Variants in CCDC39 observed in about 807,000 individuals in gnomAD.
CCDC39 encodes the protein coiled-coil domain 39 molecular ruler complex subunit, also known as coiled-coil domain-containing protein 39.
Under a neutral mutation model 121.0 loss-of-function variants are expected in CCDC39, and 113 were observed. That is an observed-to-expected ratio of 0.93 (90% CI 0.80 to 1.09). CCDC39 has a LOEUF of 1.09. Ranked by LOEUF, CCDC39 falls within the 50% of genes least tolerant of loss-of-function variation. CCDC39 has a pLI of 0.00. For synonymous variants in CCDC39, 349 were observed against 352.2 expected, an observed-to-expected ratio of 0.99 and a Z score of 0.10; for missense variants, 1,063 against 1,074.7, an observed-to-expected ratio of 0.99 and a Z score of 0.15.
At chr3:180,624,226 TA>T (rs761104407) in intron 14 of CCDC39, among the ~76,000 whole-genome samples, 208 of 152,278 alleles carry the variant, frequency 1.4e-3, no homozygotes, top group Non-Finnish European at 2.5e-3. Context: ...TTATCTAATA[TA>T]AGTAAAGCTA....
At chr3:180,676,873 T>A (rs1185431810) in intron 1 of CCDC39, among the ~76,000 whole-genome samples, 2 of 151,884 alleles carry the variant, frequency 1.3e-5, no homozygotes, top group Non-Finnish European at 2.9e-5. Context: ...CTATCATTCT[T>A]AGCAAACTAT....
chr3:180,624,134 T>C (rs1196473981), intron 14 of CCDC39, among the ~76,000 whole-genome samples: 1 of 152,172 alleles, frequency 6.6e-6, no homozygotes, highest in African/African-American at 2.4e-5. Context: ...AGGATTGTTA[T>C]ATCCTCTTGC....
In CCDC39 at chr3:180,659,745, G is replaced by A. The variant is rs758393705; in HGVS notation, c.541C>T (p.Leu181=). 5 of 1,611,488 alleles carry A rather than the reference G, an allele frequency of 3.1e-6. No homozygotes were observed. Among genetic ancestry groups the A allele is most frequent in the South Asian group, 2.2e-5 (2 of 90,880 alleles). ...CTTTTCTGATTACATTCCAAAGTTA[G>A]TCTTTCTAATTGCAGAGTCAGTGCC... ...IRALTLQLER[L]TLECNQKRKI... is the part of the protein sequence containing the mutation. The change falls in exon 5 of 20, where the codon CTA becomes TTA. Residue 181 remains leucine (L), a synonymous_variant. Transcript: ENST00000476379.
chr3:180,649,633 G>T (rs562475313), intron 9 of CCDC39, among the ~76,000 whole-genome samples: 1 of 152,162 alleles, frequency 6.6e-6, no homozygotes, highest in Non-Finnish European at 1.5e-5. Flanking sequence ...CTCCAAAAAA[G>T]ATAGGGTTGG....
At chr3:180,631,898 T>C (rs1717706515) in intron 13 of CCDC39, among the ~76,000 whole-genome samples, 1 of 152,216 alleles carries the variant, frequency 6.6e-6, no homozygotes, top group South Asian at 2.1e-4. Context: ...CACAGTTTCA[T>C]TGTGTCTTTT....
At chr3:180,669,836 T>C (rs1163265566) in intron 1 of CCDC39, among the ~76,000 whole-genome samples, 1 of 152,180 alleles carries the variant, frequency 6.6e-6, no homozygotes, top group African/African-American at 2.4e-5. Context: ...TTTAAAAATG[T>C]ACACGTCACA....
At chr3:180,646,442 C>T (rs952035255) in intron 11 of CCDC39, among the ~76,000 whole-genome samples, 3 of 152,090 alleles carry the variant, frequency 2.0e-5, no homozygotes, top group Non-Finnish European at 4.4e-5. Context: ...CTCACTATCT[C>T]ACTTTTACTC....
intron 7 of CCDC39, among the ~76,000 whole-genome samples, chr3:180,654,333 A>G (rs1423265205): frequency 6.6e-6 from 1 of 151,758 alleles, no homozygotes; most frequent in East Asian, 1.9e-4. Flanking sequence ...TGACACTGTA[A>G]AACTTCTCAA....
chr3:180,677,431 T>C (rs990611603), intron 1 of CCDC39, among the ~76,000 whole-genome samples: 1 of 151,304 alleles, frequency 6.6e-6, no homozygotes, highest in African/African-American at 2.4e-5. Flanking sequence ...TTGATAATAT[T>C]AAAAATGATA....
chr3:180,615,181 C>A, intron 19 of CCDC39, 104 bp from the exon 20 acceptor site: 4 of 757,934 alleles, frequency 5.3e-6, no homozygotes, highest in Non-Finnish European at 8.2e-6. Context: ...GTAAAGACAT[C>A]AAAAAAGTAC....
Position 180,659,714 on chromosome 3 carries a change from ATC to A in CCDC39, c.570_571del (p.Lys190AsnfsTer3), listed in dbSNP as rs1560092160. On this transcript the variant is annotated frameshift_variant, in exon 5 of 20. Transcript: ENST00000476379. LOFTEE classifies it high-confidence loss of function. ...AGTCTCTGTAAGTTCGTTGTCAAGT[ATC>A]TTTCTTTTCTGATTACATTCCAAAG... 3.1e-6 allele frequency: 5 copies of A among 1,612,588 alleles called. No individual in the cohort carries two copies. The highest frequency in any genetic ancestry group is 4.2e-6 in the Non-Finnish European group (5 of 1,179,386).
chr3:180,663,669 C>CA lies in CCDC39; in HGVS notation c.210+197dup, dbSNP rs71182539. The stretch of plus-strand genomic sequence containing the variant: ...TAGGAAACAGAGCGAGACTTCATCT[C>CA]AAAAAAAAAAAAAAAATTGGACCAG... On this transcript the variant is annotated intron_variant, in intron 2 of 19. Transcript: ENST00000476379. 0.095 allele frequency among the ~76,000 whole-genome samples: 11,242 copies of CA among 117,920 alleles called. 459 individuals carry two copies. The highest frequency in any genetic ancestry group is 0.11 in the African/African-American group (3,586 of 33,194). 77.4% of individuals were successfully genotyped at this position (117,920 alleles called of 152,430 possible).
chr3:180,654,755 G>A lies in CCDC39; in HGVS notation c.930+7C>T, dbSNP rs1011470945. On this transcript the variant is annotated splice_region_variant and intron_variant, in intron 7 of 19. Transcript: ENST00000476379. ...CATACAAGCCAGTCTTTTTTGAGTT[G>A]ACATACCTCACCCTTCAGCTGAATT... 2 of 1,590,146 alleles carry A rather than the reference G, an allele frequency of 1.3e-6. No homozygotes were observed. The highest frequency in any genetic ancestry group is 1.7e-6 in the Non-Finnish European group (2 of 1,167,006).
intron 13 of CCDC39, among the ~76,000 whole-genome samples, chr3:180,633,464 T>C (rs572523891): frequency 6.6e-6 from 1 of 150,754 alleles, no homozygotes; most frequent in South Asian, 2.1e-4. Context: ...AATGAAAGAA[T>C]AACAGTGCTT....
rs1234669394 is a variant in CCDC39 at position 180,628,533 on chromosome 3, C to T, written c.1998+2936G>A. Among the ~76,000 whole-genome samples the T allele has an allele frequency of 2.6e-5, 4 of 152,244 alleles. No individual in the cohort carries two copies. In the East Asian group the frequency reaches 7.7e-4, roughly 29 times the overall value. Reference sequence around the variant, plus strand: ...GAGACATATATTTCTGTTGTTTAAACCATCTAGTTTATTGTATTTTGTTAC... The same window carrying T: ...GAGACATATATTTCTGTTGTTTAAATCATCTAGTTTATTGTATTTTGTTAC... On this transcript the variant is annotated intron_variant, in intron 14 of 19. Transcript: ENST00000476379.
intron 1 of CCDC39, among the ~76,000 whole-genome samples, chr3:180,664,631 A>T (rs772723148): frequency 3.3e-5 from 5 of 152,158 alleles, no homozygotes; most frequent in Non-Finnish European, 5.9e-5. Flanking sequence ...TGCATTTTTC[A>T]TACAGCAATA....
chr3:180,644,363 AT>A, intron 11 of CCDC39, 106 bp from the exon 12 acceptor site: 1 of 624,834 alleles, frequency 1.6e-6, no homozygotes, highest in South Asian at 2.7e-5. Flanking sequence ...ATACTCAGAT[AT>A]TTAAAATAAT....
chr3:180,671,886 T>C (rs1322579879), intron 1 of CCDC39, among the ~76,000 whole-genome samples: 2 of 152,188 alleles, frequency 1.3e-5, no homozygotes, highest in Non-Finnish European at 2.9e-5. Context: ...CAAAGTGAGA[T>C]AGCAAGTTCT....
At chr3:180,666,392 GT>G (rs1472697488) in intron 1 of CCDC39, among the ~76,000 whole-genome samples, 1 of 152,102 alleles carries the variant, frequency 6.6e-6, no homozygotes, top group African/African-American at 2.4e-5. Flanking sequence ...GTGTCTCTAT[GT>G]TTTTACTTTT....
Sources: gnomAD v4.1 joint callset for allele counts (sites outside exome capture counted in the v4.1 genomes callset) on GRCh38, gnomAD v4.1.1 for gene constraint, MANE v1.5 for transcripts, NCBI Gene and HGNC (gene_info 2026-07-23, HGNC 2026-07-21) for gene names.